GPR35: variants seen among roughly 807,000 people sequenced by gnomAD.
The protein encoded by GPR35 is G protein-coupled receptor 35, also known as KYNA receptor.
For missense variants in GPR35, 372 were observed against 422.5 expected (o/e 0.88, Z 1.05); for synonymous variants, 207 against 198.4 (o/e 1.04, Z -0.36).
At chr2:240,611,991 T>C (rs1289462127) in intron 2 of GPR35, among the ~76,000 whole-genome samples, 2 of 151,934 alleles carry the variant, frequency 1.3e-5, no homozygotes, top group Non-Finnish European at 2.9e-5. Flanking sequence ...AGGAAGCGTG[T>C]GTCATGGAGG....
upstream of GPR35, among the ~76,000 whole-genome samples, chr2:240,621,612 A>G (rs540721686): frequency 2.0e-5 from 3 of 152,348 alleles, no homozygotes; most frequent in Admixed American, 6.5e-5. Context: ...CAAGCGACTC[A>G]TTTAGGATGG....
rs751886685 is a variant in GPR35, at chr2:240,630,883, G to C, written c.*1G>C. The C allele has an allele frequency of 1.2e-6, 2 of 1,605,296 alleles. No homozygotes were observed. Among genetic ancestry groups the C allele is most frequent in the Admixed American group, 3.3e-5 (2 of 59,846 alleles). On this transcript the variant is annotated 3_prime_UTR_variant, in exon 2 of 2. Transcript: ENST00000407714. Reference sequence around the variant, plus strand: ...CTCTCTGTGCGTGACCCTCGCCTAAGAGGCGTGCTGTGGGCGCTGTGGGCC... The same window carrying C: ...CTCTCTGTGCGTGACCCTCGCCTAACAGGCGTGCTGTGGGCGCTGTGGGCC...
chr2:240,624,574 C>T (rs1244084112), upstream of GPR35, among the ~76,000 whole-genome samples: 1 of 152,188 alleles, frequency 6.6e-6, no homozygotes, highest in Non-Finnish European at 1.5e-5. Flanking sequence ...CTTCCCTGGG[C>T]GTCCGTTTCC....
chr2:240,632,810 G>A lies in GPR35; in HGVS notation c.*1928G>A, dbSNP rs756178343. Among the ~76,000 whole-genome samples, 9 of 152,234 alleles carry A rather than the reference G, an allele frequency of 5.9e-5. No homozygotes were observed. Among genetic ancestry groups the A allele is most frequent in the Admixed American group, 1.3e-4 (2 of 15,292 alleles). ...TGCCCAGGAAGGTCCATGTCCAGAA[G>A]AGTCCATACCCAGGAGGGCTGATAT... On this transcript the variant is annotated 3_prime_UTR_variant, in exon 2 of 2. Coordinates refer to ENST00000407714, the MANE Select transcript of GPR35 (RefSeq NM_005301.5).
intron 2 of GPR35, among the ~76,000 whole-genome samples, chr2:240,612,941 G>A (rs756705685): frequency 2.6e-5 from 4 of 152,238 alleles, no homozygotes; most frequent in Non-Finnish European, 4.4e-5. Context: ...CCTCCCAGGG[G>A]CGCGGACATA....
chr2:240,624,382 C>A (rs2043344902), upstream of GPR35, among the ~76,000 whole-genome samples: 1 of 152,140 alleles, frequency 6.6e-6, no homozygotes, highest in Admixed American at 6.5e-5. Context: ...GCAGGAAGGA[C>A]AGCAGGAGGA....
Position 240,631,939 on chromosome 2 carries a change from A to C in GPR35, c.*1057A>C, listed in dbSNP as rs1317539113. ...AGTCATGTTCTGGCAGGGACATGGC[A>C]CAAGCATGCGGCTGATGGCATCTCA... On this transcript the variant is annotated 3_prime_UTR_variant, in exon 2 of 2. Transcript: ENST00000407714. Among the ~76,000 whole-genome samples the C allele has an allele frequency of 6.9e-6, 1 of 144,642 alleles. No individual in the cohort carries two copies. The highest frequency in any genetic ancestry group is 2.5e-5 in the African/African-American group (1 of 40,712). The allele number at this position is 144,642 out of a possible 152,430, so 94.9% of individuals were successfully genotyped here.
intron 4 of GPR35, among the ~76,000 whole-genome samples, chr2:240,618,678 C>T (rs1279425898): frequency 2.0e-5 from 3 of 152,216 alleles, no homozygotes; most frequent in Non-Finnish European, 4.4e-5. Flanking sequence ...ATCCCCATCC[C>T]ATTTCCACCT....
chr2:240,622,739 C>CA (rs762576677), upstream of GPR35, among the ~76,000 whole-genome samples: 4 of 152,256 alleles, frequency 2.6e-5, no homozygotes, highest in South Asian at 8.3e-4. Context: ...CCTCGCGTCA[C>CA]ACATACAGCC....
At chr2:240,608,171 C>T (rs754078957) in intron 2 of GPR35, among the ~76,000 whole-genome samples, 3 of 152,158 alleles carry the variant, frequency 2.0e-5, no homozygotes, top group Non-Finnish European at 4.4e-5. Flanking sequence ...GGATTACAGG[C>T]CTGAGCTACT....
chr2:240,610,843 C>A (rs1253373018), intron 2 of GPR35, among the ~76,000 whole-genome samples: 1 of 151,524 alleles, frequency 6.6e-6, no homozygotes, highest in Admixed American at 6.6e-5. Flanking sequence ...ACTGTGTTAG[C>A]CAGGATGGTC....
At chr2:240,610,587 A>C (rs1423589330) in intron 2 of GPR35, among the ~76,000 whole-genome samples, 1 of 152,034 alleles carries the variant, frequency 6.6e-6, no homozygotes, top group Non-Finnish European at 1.5e-5. Flanking sequence ...CAGCCTCCCA[A>C]GTAGCTAGGA....
intron 2 of GPR35, among the ~76,000 whole-genome samples, chr2:240,610,815 T>C (rs2043175899): frequency 6.6e-6 from 1 of 151,238 alleles, no homozygotes; most frequent in African/African-American, 2.4e-5. Context: ...TTTTTTTTTT[T>C]AGTAGAGATG....
chr2:240,614,734 C>T lies in GPR35; in HGVS notation c.-576-1654C>T, dbSNP rs566723291. Among the ~76,000 whole-genome samples the T allele has an allele frequency of 1.4e-4, 21 of 152,338 alleles. No homozygotes were observed. In the East Asian group the frequency reaches 1.7e-3, roughly 13 times the overall value. The stretch of plus-strand genomic sequence containing the variant: ...GCATGGCACCGCCATGCCCCTGGCT[C>T]GGGCTTATGCGGGCTGACAGTCCTG... On this transcript the variant is annotated intron_variant, in intron 2 of 5. Coordinates refer to the GPR35 transcript ENST00000319838.
At chr2:240,609,954 AT>A (rs1022461270) in intron 2 of GPR35, among the ~76,000 whole-genome samples, 1 of 151,428 alleles carries the variant, frequency 6.6e-6, no homozygotes, top group African/African-American at 2.4e-5. Flanking sequence ...CTTTTTTCAT[AT>A]GAAATATCCT....
At chr2:240,625,872 G>A (rs113042760) in intron 1 of GPR35, among the ~76,000 whole-genome samples, 5 of 136,790 alleles carry the variant, frequency 3.7e-5, no homozygotes, top group Admixed American at 7.0e-5. Flanking sequence ...TCTCAGAGTG[G>A]GGTGAGGCTG....
chr2:240,612,583 C>T (rs1425954796), intron 2 of GPR35, among the ~76,000 whole-genome samples: 5 of 152,128 alleles, frequency 3.3e-5, no homozygotes, highest in African/African-American at 4.8e-5. Context: ...TTCTGGTGGG[C>T]TGACCATGGT....
chr2:240,609,374 A>G (rs77394240), intron 2 of GPR35, among the ~76,000 whole-genome samples: 2 of 152,054 alleles, frequency 1.3e-5, no homozygotes, highest in Non-Finnish European at 2.9e-5. Context: ...TAAGCATCAC[A>G]CTAACCTTAT....
At chr2:240,623,049 C>T (rs1409562280), upstream of GPR35, among the ~76,000 whole-genome samples, 1 of 119,458 alleles carries the variant, frequency 8.4e-6, no homozygotes, top group Admixed American at 7.7e-5. Context: ...CAGAGGACCC[C>T]AGGCGACCGT....
Sources: gnomAD v4.1 joint callset for allele counts (sites outside exome capture counted in the v4.1 genomes callset) on GRCh38, gnomAD v4.1.1 for gene constraint, MANE v1.5 for transcripts, NCBI Gene and HGNC (gene_info 2026-07-23, HGNC 2026-07-21) for gene names.